The following EYS variants were observed in gnomAD, a reference collection of about 807,000 sequenced individuals.
The protein encoded by EYS is EGF-like photoreceptor maintenance factor, also known as protein eyes shut homolog.
In EYS, 250 loss-of-function variants were observed where a neutral mutation model predicts 282.1. The observed-to-expected ratio is 0.89, with a 90% confidence interval of 0.80 to 0.98. EYS has a LOEUF of 0.98. Among genes scored for constraint, EYS ranks in the 50% least tolerant of loss-of-function variants. The probability of loss-of-function intolerance (pLI) is 0.00; values close to 1 mark genes in which losing one functional copy is unlikely to be tolerated. For missense variants in EYS, 4,016 were observed against 3,709.0 expected (o/e 1.08, Z -2.15); for synonymous variants, 1,355 against 1,282.9 (o/e 1.06, Z -1.20).
rs1770125583 is a variant in EYS, at chr6:64,686,759, A to ATG, written c.3444-60515_3444-60514insCA. Among the ~76,000 whole-genome samples, 45 of 16,600 alleles carry ATG rather than the reference A, an allele frequency of 2.7e-3. 9 individuals are homozygous for ATG. The highest frequency in any genetic ancestry group is 0.024 in the South Asian group (9 of 370). The allele number at this position is 16,600 out of a possible 152,430, so 10.9% of individuals were successfully genotyped here. On this transcript the variant is annotated intron_variant, in intron 22 of 42. Transcript: ENST00000503581. Reference sequence around the variant, plus strand: ...TCCATCTAAATATATATATATATATATATGTGTGTATATATATATATATAT... The same window carrying ATG: ...TCCATCTAAATATATATATATATATATGTATGTGTGTATATATATATATATAT...
chr6:65,172,231 A>G (rs1765121517), intron 12 of EYS, among the ~76,000 whole-genome samples: 1 of 151,564 alleles, frequency 6.6e-6, no homozygotes, highest in Admixed American at 6.6e-5. Flanking sequence ...GATTTCATAG[A>G]AGGTAAACTG....
intron 2 of EYS, among the ~76,000 whole-genome samples, chr6:65,532,779 T>A (rs1767822799): frequency 6.6e-6 from 1 of 152,060 alleles, no homozygotes; most frequent in Non-Finnish European, 1.5e-5. Context: ...GAGTAAACAT[T>A]ACCAACAGAA....
chr6:64,722,107 G>T (rs967667978), intron 22 of EYS, among the ~76,000 whole-genome samples: 8 of 152,112 alleles, frequency 5.3e-5, no homozygotes, highest in Non-Finnish European at 1.0e-4. Flanking sequence ...AAAAGTTGAA[G>T]ATTTCAGTTT....
At chr6:65,349,403 T>C (rs1389761143) in intron 9 of EYS, among the ~76,000 whole-genome samples, 1 of 151,518 alleles carries the variant, frequency 6.6e-6, no homozygotes, top group East Asian at 1.9e-4. Context: ...AACACCATTA[T>C]TTTATTAAAA....
chr6:64,303,573 T>C (rs1053006120), intron 30 of EYS, among the ~76,000 whole-genome samples: 1 of 152,074 alleles, frequency 6.6e-6, no homozygotes, highest in African/African-American at 2.4e-5. Context: ...CCGGGCGCGG[T>C]GGCTCACGCC....
chr6:64,710,436 G>A (rs1771169030), intron 22 of EYS, among the ~76,000 whole-genome samples: 1 of 152,166 alleles, frequency 6.6e-6, no homozygotes, highest in Admixed American at 6.5e-5. Flanking sequence ...ATTAGCCACG[G>A]ACCAAATCCT....
At chr6:64,711,034 C>T (rs557417421) in intron 22 of EYS, among the ~76,000 whole-genome samples, 15 of 152,194 alleles carry the variant, frequency 9.9e-5, no homozygotes, top group East Asian at 3.9e-4. Context: ...GACAGAGCTA[C>T]GGAGATTTTT....
At position 65,057,282 on chromosome 6, in the gene EYS, G is replaced by T. The variant is rs1027742563; in HGVS notation, c.2137+332C>A. The stretch of plus-strand genomic sequence containing the variant: ...AAGAGAAAACTTGACAATTTCATAA[G>T]AAATTAAATAATACAGAAGAATATT... On this transcript the variant is annotated intron_variant, in intron 13 of 42. Transcript: ENST00000503581. Among the ~76,000 whole-genome samples the T allele has an allele frequency of 4.2e-4, 64 of 151,982 alleles. 1 individual carries two copies. Among genetic ancestry groups the T allele is most frequent in the Admixed American group, 1.1e-3 (17 of 15,234 alleles).
chr6:65,439,640 GC>G (rs1378463554), intron 5 of EYS, among the ~76,000 whole-genome samples: 1 of 151,948 alleles, frequency 6.6e-6, no homozygotes, highest in Non-Finnish European at 1.5e-5. Context: ...TCATGATTTG[GC>G]TCTCTGTTTT....
At chr6:64,336,995 A>G (rs188818560) in intron 29 of EYS, among the ~76,000 whole-genome samples, 173 of 152,210 alleles carry the variant, frequency 1.1e-3, no homozygotes, top group Non-Finnish European at 2.0e-3. Flanking sequence ...AGGAAAGTTC[A>G]TAGCCCTAAA....
At chr6:65,230,670 A>G (rs890378186) in intron 12 of EYS, among the ~76,000 whole-genome samples, 31 of 151,478 alleles carry the variant, frequency 2.0e-4, no homozygotes, top group Non-Finnish European at 3.8e-4. Flanking sequence ...GCCTCCCCTC[A>G]TTTTTCACAT....
At chr6:65,461,110 A>G (rs777228599) in intron 5 of EYS, among the ~76,000 whole-genome samples, 1 of 152,138 alleles carries the variant, frequency 6.6e-6, no homozygotes, top group Non-Finnish European at 1.5e-5. Flanking sequence ...ATCAAATGCC[A>G]TATATAGTTG....
chr6:65,434,482 A>G lies in EYS; in HGVS notation c.863-29115T>C, dbSNP rs201105255. ...ACTACAGGCGCCCGCCACCACGCCCAGCTAAATTTTTGTATTTTTAGCAGA... is the reference window on the plus strand; with the variant it reads ...ACTACAGGCGCCCGCCACCACGCCCGGCTAAATTTTTGTATTTTTAGCAGA... On this transcript the variant is annotated intron_variant, in intron 5 of 42. Transcript: ENST00000503581. Among the ~76,000 whole-genome samples the G allele has an allele frequency of 9.5e-4, 144 of 151,980 alleles. 2 individuals carry two copies. The highest frequency in any genetic ancestry group is 4.5e-3 in the East Asian group (23 of 5,134).
At position 64,590,639 on chromosome 6, in the gene EYS, G is replaced by C. The variant is rs575340401; in HGVS notation, c.5228C>G (p.Ser1743Cys). ...TTGTAAGTTTAACTCAAAATCCAGA[G>C]AACTATCACTTGGGTGAAGTTTGAA... ...TLFKLHPSDS[S>C]LDFELNLQIY... The change falls in exon 26 of 43, where the codon TCT becomes TGT. Residue 1743 changes from serine to cysteine, a missense_variant. Ser to Cys is a moderately radical substitution (Grantham distance 112). Transcript: ENST00000503581. 6.4e-7 allele frequency: 1 copy of C among 1,551,264 alleles called. No homozygotes were observed. The highest frequency in any genetic ancestry group is 1.4e-5 in the African/African-American group (1 of 73,130).
chr6:65,350,216 G>T (rs557260692), intron 9 of EYS, among the ~76,000 whole-genome samples: 2 of 151,466 alleles, frequency 1.3e-5, no homozygotes, highest in Non-Finnish European at 3.0e-5. Context: ...GCAGGCATTT[G>T]ACAAAAGAAG....
At chr6:64,075,284 G>A (rs538769333) in intron 32 of EYS, among the ~76,000 whole-genome samples, 1 of 152,066 alleles carries the variant, frequency 6.6e-6, no homozygotes, top group African/African-American at 2.4e-5. Flanking sequence ...TAGTTTGTCA[G>A]TGGGAAGATG....
At chr6:64,985,801 A>C (rs912072901) in intron 14 of EYS, among the ~76,000 whole-genome samples, 1 of 151,412 alleles carries the variant, frequency 6.6e-6, no homozygotes, top group African/African-American at 2.4e-5. Context: ...GTTCCGGAGA[A>C]AGTGTAGAGT....
At chr6:65,414,051 A>G (rs1767132458) in intron 5 of EYS, among the ~76,000 whole-genome samples, 2 of 152,306 alleles carry the variant, frequency 1.3e-5, no homozygotes, top group South Asian at 4.1e-4. Flanking sequence ...AAGCAAATAG[A>G]ATGCTGCTAC....
At chr6:65,658,403 A>T (rs563717698) in intron 1 of EYS, among the ~76,000 whole-genome samples, 1 of 151,848 alleles carries the variant, frequency 6.6e-6, no homozygotes, top group Non-Finnish European at 1.5e-5. Flanking sequence ...TCATGGGGAA[A>T]CTAGGTGTGA....
Sources: allele counts gnomAD v4.1 joint callset (sites outside exome capture counted in the v4.1 genomes callset), GRCh38; gene constraint gnomAD v4.1.1; transcripts MANE v1.5; gene names NCBI Gene and HGNC (gene_info 2026-07-23, HGNC 2026-07-21).